The following THSD4 variants were observed in gnomAD, a reference collection of about 807,000 sequenced individuals.
THSD4 encodes thrombospondin type 1 domain containing 4, also known as thrombospondin type-1 domain-containing protein 4.
Under a neutral mutation model 119.0 loss-of-function variants are expected in THSD4, and 69 were observed. The observed-to-expected ratio is 0.58, with a 90% CI of 0.48 to 0.71. The LOEUF (loss-of-function observed/expected upper bound fraction) is 0.71. Among genes scored for constraint, THSD4 ranks in the 30% least tolerant of loss-of-function variants. The pLI is 0.00. For missense variants in THSD4, 1,393 were observed against 1,391.1 expected, an observed-to-expected ratio of 1.00 and a Z score of -0.02; for synonymous variants, 524 against 540.4, an observed-to-expected ratio of 0.97 and a Z score of 0.42.
intron 7 of THSD4, among the ~76,000 whole-genome samples, chr15:71,567,762 A>G (rs1243905311): frequency 7.4e-6 from 1 of 136,054 alleles, no homozygotes; most frequent in African/African-American, 2.6e-5. Context: ...AGCTGGAGAG[A>G]GAAAGAGAGA....
At chr15:71,339,065 CTT>C (rs2045527904) in intron 6 of THSD4, among the ~76,000 whole-genome samples, 1 of 152,188 alleles carries the variant, frequency 6.6e-6, no homozygotes, top group Non-Finnish European at 1.5e-5. Context: ...GGCCTCGCCT[CTT>C]CTCAGGACAT....
chr15:71,365,732 T>C (rs2045953463), intron 6 of THSD4, among the ~76,000 whole-genome samples: 1 of 152,104 alleles, frequency 6.6e-6, no homozygotes, highest in African/African-American at 2.4e-5. Flanking sequence ...CAAGCAACTT[T>C]CCTCCCTCTC....
chr15:71,494,287 T>TA (rs1035740692), intron 7 of THSD4, among the ~76,000 whole-genome samples: 19 of 152,264 alleles, frequency 1.2e-4, no homozygotes, highest in Non-Finnish European at 2.4e-4. Flanking sequence ...TAACTTTTTT[T>TA]AAAAAAAGGA....
intron 6 of THSD4, among the ~76,000 whole-genome samples, chr15:71,310,974 C>T (rs140178791): frequency 2.4e-4 from 37 of 152,260 alleles, no homozygotes; most frequent in African/African-American, 7.2e-4. Flanking sequence ...CTGTTGTATC[C>T]GCTCAGATTT....
chr15:71,499,478 A>G (rs1304346608), intron 7 of THSD4, among the ~76,000 whole-genome samples: 1 of 143,150 alleles, frequency 7.0e-6, no homozygotes, highest in Non-Finnish European at 1.5e-5. Flanking sequence ...TGTTTGGCAC[A>G]ATTGTTTTTT....
At chr15:71,500,836 A>G (rs1368022510) in intron 7 of THSD4, among the ~76,000 whole-genome samples, 1 of 152,172 alleles carries the variant, frequency 6.6e-6, no homozygotes, top group Non-Finnish European at 1.5e-5. Flanking sequence ...ATTGGTCTCC[A>G]TGTCTGTTTT....
intron 7 of THSD4, among the ~76,000 whole-genome samples, chr15:71,515,491 G>T (rs555581655): frequency 6.6e-6 from 1 of 152,306 alleles, no homozygotes; most frequent in African/African-American, 2.4e-5. Context: ...TCACCAGCAA[G>T]TTGCTGACGT....
intron 7 of THSD4, among the ~76,000 whole-genome samples, chr15:71,487,673 A>G (rs893235635): frequency 6.6e-6 from 1 of 152,216 alleles, no homozygotes; most frequent in African/African-American, 2.4e-5. Context: ...TAATTCAAGA[A>G]TGTTGTTCAA....
In THSD4 at chr15:71,122,987, C is replaced by T. The variant is rs548354628; in HGVS notation, c.-80+7289C>T. Among the ~76,000 whole-genome samples the T allele has an allele frequency of 5.3e-5, 8 of 152,362 alleles. No individual in the cohort carries two copies. The East Asian group carries it at 1.5e-3, about 29-fold the overall frequency. On this transcript the variant is annotated intron_variant, in intron 1 of 17. Coordinates refer to ENST00000261862, the MANE Select transcript of THSD4 (RefSeq NM_024817.3). ...TTGGGAGGCCCAGACAAGGGGGACC[C>T]AGAAACAGAACAGGTGCTTGTTTTC...
At chr15:71,154,443 C>G (rs1453926999) in intron 2 of THSD4, among the ~76,000 whole-genome samples, 1 of 152,198 alleles carries the variant, frequency 6.6e-6, no homozygotes, top group African/African-American at 2.4e-5. Context: ...ATGCTTTTCC[C>G]TGACCTTACC....
At chr15:71,768,794 T>C (rs1424939324) in intron 16 of THSD4, among the ~76,000 whole-genome samples, 1 of 150,336 alleles carries the variant, frequency 6.7e-6, no homozygotes, top group African/African-American at 2.5e-5. Context: ...CTCGATCTTC[T>C]GACCTCCTCA....
chr15:71,490,285 G>A (rs995423738), intron 7 of THSD4, among the ~76,000 whole-genome samples: 4 of 152,114 alleles, frequency 2.6e-5, no homozygotes, highest in Non-Finnish European at 5.9e-5. Flanking sequence ...ATTAGGCCGG[G>A]CGTGGTGGCT....
At position 71,515,716 on chromosome 15, in the gene THSD4, A is replaced by G. The variant is rs546189487; in HGVS notation, c.1152+103893A>G. ...CCAGCAGCTAGTTTGCTGCTGGATCAGAATTCGATGTTCTTTGTGAAGTAA... is the reference window on the plus strand; with the variant it reads ...CCAGCAGCTAGTTTGCTGCTGGATCGGAATTCGATGTTCTTTGTGAAGTAA... On this transcript the variant is annotated intron_variant, in intron 7 of 17. Coordinates refer to ENST00000261862, the MANE Select transcript of THSD4 (RefSeq NM_024817.3). Among the ~76,000 whole-genome samples, 13 of 152,354 alleles carry G rather than the reference A, an allele frequency of 8.5e-5. No homozygotes were observed. In the South Asian group the frequency reaches 2.7e-3, roughly 32 times the overall value.
At chr15:71,255,603 T>A (rs907452625) in intron 5 of THSD4, among the ~76,000 whole-genome samples, 2 of 152,168 alleles carry the variant, frequency 1.3e-5, no homozygotes, top group African/African-American at 4.8e-5. Flanking sequence ...ATGCAGAAGG[T>A]CGGAAATTCC....
rs747398260 is a variant in THSD4 at position 71,361,819 on chromosome 15, A to G, written c.1016-49868A>G. Among the ~76,000 whole-genome samples the G allele has an allele frequency of 1.1e-4, 16 of 152,340 alleles. No homozygotes were observed. The South Asian group carries it at 2.9e-3, about 28-fold the overall frequency. On this transcript the variant is annotated intron_variant, in intron 6 of 17. Transcript: ENST00000261862. The stretch of plus-strand genomic sequence containing the variant: ...GGATATGAAATCTTGAAAACAGAAA[A>G]TGAGACTTTGTGTATGTGCTGATCT...
chr15:71,394,517 C>T (rs1275656346), intron 6 of THSD4, among the ~76,000 whole-genome samples: 2 of 152,124 alleles, frequency 1.3e-5, no homozygotes, highest in East Asian at 1.9e-4. Context: ...GTGATCCACC[C>T]GCCTCAGCCT....
At chr15:71,153,308 G>A (rs1424490235) in intron 2 of THSD4, among the ~76,000 whole-genome samples, 1 of 152,194 alleles carries the variant, frequency 6.6e-6, no homozygotes, top group Non-Finnish European at 1.5e-5. Context: ...GCCTCCTTGT[G>A]CATACAGGTG....
chr15:71,197,858 G>A (rs1596263427), intron 3 of THSD4, among the ~76,000 whole-genome samples: 1 of 150,940 alleles, frequency 6.6e-6, no homozygotes, highest in East Asian at 1.9e-4. Flanking sequence ...ATAGGGTGCT[G>A]GCCCTATGTG....
At chr15:71,184,946 G>A (rs2043583716) in intron 3 of THSD4, among the ~76,000 whole-genome samples, 1 of 151,592 alleles carries the variant, frequency 6.6e-6, no homozygotes, top group African/African-American at 2.4e-5. Flanking sequence ...TCCCTATGCT[G>A]AACACTAAAC....
Sources: allele counts gnomAD v4.1 joint callset (sites outside exome capture counted in the v4.1 genomes callset), GRCh38; gene constraint gnomAD v4.1.1; transcripts MANE v1.5; gene names NCBI Gene and HGNC (gene_info 2026-07-23, HGNC 2026-07-21).